The following ZRANB3 variants were observed in gnomAD, a reference collection of about 807,000 sequenced individuals.
The protein encoded by ZRANB3 is DNA annealing helicase and endonuclease ZRANB3.
A neutral mutation model predicts 133.8 loss-of-function variants in ZRANB3; 125 were observed. The ratio of observed to expected loss-of-function variants is 0.93; its 90% CI spans 0.81 to 1.08. The LOEUF (loss-of-function observed/expected upper bound fraction) is 1.08. Among genes scored for constraint, ZRANB3 ranks in the 50% least tolerant of loss-of-function variants. ZRANB3 has a pLI of 0.00. For missense variants in ZRANB3, 1,229 were observed against 1,275.5 expected (o/e 0.96, Z 0.56); for synonymous variants, 387 against 432.7 (o/e 0.89, Z 1.31).
rs570915015 is a variant in ZRANB3, at chr2:135,378,387, G to C, written c.180+12415C>G. Among the ~76,000 whole-genome samples, 7 of 152,162 alleles carry C rather than the reference G, an allele frequency of 4.6e-5. No individual in the cohort carries two copies. The East Asian group carries it at 1.4e-3, about 29-fold the overall frequency. ...GGGTGCCTGTAATCCCAACTACTCA[G>C]GAGGCTGAGGCAGGAGAATTGCTTG... On this transcript the variant is annotated intron_variant, in intron 3 of 20. Coordinates refer to ENST00000264159, the MANE Select transcript of ZRANB3 (RefSeq NM_032143.4).
intron 12 of ZRANB3, among the ~76,000 whole-genome samples, chr2:135,238,552 TG>T (rs1219094862): frequency 6.6e-6 from 1 of 152,024 alleles, no homozygotes; most frequent in East Asian, 1.9e-4. Flanking sequence ...TTAGTAGAGA[TG>T]GGGTTTCACC....
At chr2:135,277,709 A>C (rs1478949955) in intron 8 of ZRANB3, among the ~76,000 whole-genome samples, 1 of 152,056 alleles carries the variant, frequency 6.6e-6, no homozygotes, top group Admixed American at 6.6e-5. Context: ...CAGATCACTT[A>C]AGGTCAGGAG....
rs1273758903 is a variant in ZRANB3, at chr2:135,200,069, G to T, written c.*273C>A. 4.1e-6 allele frequency: 2 copies of T among 484,918 alleles called. No individual in the cohort carries two copies. The highest frequency in any genetic ancestry group is 7.5e-6 in the Non-Finnish European group (2 of 265,188). 30.0% of individuals were successfully genotyped at this position (484,918 alleles called of 1,614,324 possible). A position where few individuals can be genotyped will look rare whatever the true frequency, so the allele number is the denominator to read the frequency against. ...ACAATACAGTGATTAGGCATATTAGGGGTAAAGAGCTTTACAAAACATTGC... is the reference window on the plus strand; with the variant it reads ...ACAATACAGTGATTAGGCATATTAGTGGTAAAGAGCTTTACAAAACATTGC... On this transcript the variant is annotated 3_prime_UTR_variant, in exon 21 of 21. Coordinates refer to ENST00000264159, the MANE Select transcript of ZRANB3 (RefSeq NM_032143.4).
chr2:135,357,318 C>T (rs531058586), intron 3 of ZRANB3, among the ~76,000 whole-genome samples: 34 of 151,782 alleles, frequency 2.2e-4, no homozygotes, highest in East Asian at 3.9e-4. Flanking sequence ...TTTCTTGAAA[C>T]GGAGTCTTGT....
intron 2 of ZRANB3, among the ~76,000 whole-genome samples, chr2:135,469,309 A>G (rs1159750812): frequency 6.6e-6 from 1 of 152,120 alleles, no homozygotes; most frequent in African/African-American, 2.4e-5. Context: ...ATTTGGATTT[A>G]CTTAAAATTC....
chr2:135,263,527 C>T (rs1680067937), intron 12 of ZRANB3, among the ~76,000 whole-genome samples: 1 of 152,096 alleles, frequency 6.6e-6, no homozygotes, highest in African/African-American at 2.4e-5. Flanking sequence ...AATATCACTC[C>T]ACAGTAAAGG....
intron 2 of ZRANB3, among the ~76,000 whole-genome samples, chr2:135,481,233 A>G (rs1171131397): frequency 6.6e-6 from 1 of 151,004 alleles, no homozygotes; most frequent in East Asian, 2.0e-4. Context: ...TCCCACCAAC[A>G]GTGTAAAAGT....
chr2:135,379,974 A>C (rs1374163624), intron 3 of ZRANB3, among the ~76,000 whole-genome samples: 1 of 152,192 alleles, frequency 6.6e-6, no homozygotes, highest in Non-Finnish European at 1.5e-5. Context: ...AGATCTACCA[A>C]GCAAATGGAA....
chr2:135,245,717 G>A (rs1695758630), intron 12 of ZRANB3, among the ~76,000 whole-genome samples: 1 of 151,040 alleles, frequency 6.6e-6, no homozygotes, highest in African/African-American at 2.4e-5. Context: ...ACCTGAGGTT[G>A]GGAGTTCGAG....
chr2:135,359,750 C>T (rs1685590005), intron 3 of ZRANB3, among the ~76,000 whole-genome samples: 1 of 152,116 alleles, frequency 6.6e-6, no homozygotes, highest in Admixed American at 6.5e-5. Context: ...GCTATCTTTC[C>T]TGGTAAGAAC....
Position 135,207,555 on chromosome 2 carries a change from C to T in ZRANB3, c.2888G>A (p.Gly963Asp). 6.2e-7 allele frequency: 1 copy of T among 1,614,004 alleles called. No homozygotes were observed. The highest frequency in any genetic ancestry group is 1.7e-5 in the Admixed American group (1 of 60,020). The change falls in exon 19 of 21, where the codon GGT becomes GAT. Residue 963 changes from glycine to aspartate, a missense_variant. By Grantham distance (94) the Gly-to-Asp change is moderately conservative. Coordinates refer to ENST00000264159, the MANE Select transcript of ZRANB3 (RefSeq NM_032143.4). ...GTTCACATTACAGAGCTGACACACA[C>T]CATGTTCAGTTTCAAATACTTTGGC... Reference protein sequence around the residue: ...LRAKVFETEHGVCQLCNVNAQ... With the variant: ...LRAKVFETEHDVCQLCNVNAQ...
chr2:135,311,086 A>T (rs1311487037), intron 8 of ZRANB3, among the ~76,000 whole-genome samples: 1 of 152,174 alleles, frequency 6.6e-6, no homozygotes, highest in African/African-American at 2.4e-5. Flanking sequence ...CATATTTGTA[A>T]AAGATATATA....
At chr2:135,387,393 C>CAT (rs1189701170) in intron 3 of ZRANB3, among the ~76,000 whole-genome samples, 2 of 152,258 alleles carry the variant, frequency 1.3e-5, no homozygotes, top group African/African-American at 4.8e-5. Flanking sequence ...ATATAATTTA[C>CAT]ATATATAGAA....
At chr2:135,473,226 C>A (rs962991472) in intron 2 of ZRANB3, among the ~76,000 whole-genome samples, 99 of 152,216 alleles carry the variant, frequency 6.5e-4, no homozygotes, top group African/African-American at 2.3e-3. Context: ...ATTCTAGGTA[C>A]CTCATGTAAA....
intron 11 of ZRANB3, 86 bp from the exon 12 acceptor site, chr2:135,265,772 A>C: frequency 7.2e-7 from 1 of 1,385,770 alleles, no homozygotes. Flanking sequence ...CATTTAAATC[A>C]TAAGCTACCC....
intron 8 of ZRANB3, among the ~76,000 whole-genome samples, chr2:135,288,644 A>G (rs927743662): frequency 2.6e-5 from 4 of 151,926 alleles, no homozygotes; most frequent in Non-Finnish European, 4.4e-5. Flanking sequence ...AGTGTTGTAT[A>G]TTTCCAGGAA....
At position 135,217,585 on chromosome 2, in the gene ZRANB3, C is replaced by T. The variant is rs1005067939; in HGVS notation, c.2375G>A (p.Trp792Ter). 4.3e-6 allele frequency: 7 copies of T among 1,611,980 alleles called. No individual in the cohort carries two copies. The highest frequency in any genetic ancestry group is 1.7e-5 in the Admixed American group (1 of 59,614). Residue 792 changes from tryptophan to a stop codon, truncating the protein, a stop_gained, in exon 17 of 21, where the codon TGG becomes TAG. Transcript: ENST00000264159. LOFTEE classifies it high-confidence loss of function. ...TTGCTTCATGGCAGTTAGACTACTC[C>T]ATTCTCGAACAAATCTCAAAATCTG... ...RSLILRFVREWSSLTAMKQRI... is the reference protein window; with the variant it reads ...RSLILRFVRE
At chr2:135,466,941 G>GA (rs1212933370) in intron 2 of ZRANB3, among the ~76,000 whole-genome samples, 1 of 152,116 alleles carries the variant, frequency 6.6e-6, no homozygotes, top group East Asian at 1.9e-4. Context: ...TTACAGGCGT[G>GA]AGCTACCGCG....
chr2:135,361,939 C>T (rs1186765188), intron 3 of ZRANB3, among the ~76,000 whole-genome samples: 1 of 152,074 alleles, frequency 6.6e-6, no homozygotes, highest in Non-Finnish European at 1.5e-5. Context: ...TGGCTCACGT[C>T]TGTAATCCCA....
Sources: gnomAD v4.1 joint callset for allele counts (sites outside exome capture counted in the v4.1 genomes callset) on GRCh38, gnomAD v4.1.1 for gene constraint, MANE v1.5 for transcripts, NCBI Gene and HGNC (gene_info 2026-07-23, HGNC 2026-07-21) for gene names.